The following PDE4D variants were observed in gnomAD, a reference collection of about 807,000 sequenced individuals.
PDE4D encodes phosphodiesterase 4D, also known as 3',5'-cyclic-AMP phosphodiesterase 4D.
A neutral mutation model predicts 87.4 loss-of-function variants in PDE4D; 24 were observed. The observed-to-expected ratio is 0.27, with a 90% CI of 0.20 to 0.39. The LOEUF (loss-of-function observed/expected upper bound fraction) is 0.39. PDE4D is among the 10% of genes least tolerant of loss of function. The pLI, the probability that PDE4D is intolerant of heterozygous loss-of-function variation, is 1.00. For synonymous variants in PDE4D, 384 were observed against 383.2 expected, an observed-to-expected ratio of 1.00 and a Z score of -0.02; for missense variants, 714 against 1,041.0, an observed-to-expected ratio of 0.69 and a Z score of 4.32.
chr5:59,321,856 A>C (rs1774783602), intron 1 of PDE4D, among the ~76,000 whole-genome samples: 1 of 152,122 alleles, frequency 6.6e-6, no homozygotes, highest in Non-Finnish European at 1.5e-5. Flanking sequence ...AATAGAGTAC[A>C]CGCATGCGCA....
At chr5:59,564,312 G>A (rs1013568568) in intron 1 of PDE4D, among the ~76,000 whole-genome samples, 7 of 152,094 alleles carry the variant, frequency 4.6e-5, no homozygotes, top group Non-Finnish European at 8.8e-5. Flanking sequence ...AAAATGATCC[G>A]CAAAAGCCAG....
intron 1 of PDE4D, among the ~76,000 whole-genome samples, chr5:59,538,466 C>T (rs145584145): frequency 7.5e-4 from 114 of 151,750 alleles, no homozygotes; most frequent in Middle Eastern, 6.8e-3. Context: ...TCTAGTTGTC[C>T]CAAGTGTCTT....
At chr5:60,120,023 A>C (rs1336681417) in intron 2 of PDE4D, among the ~76,000 whole-genome samples, 5 of 152,204 alleles carry the variant, frequency 3.3e-5, no homozygotes, top group Non-Finnish European at 7.3e-5. Context: ...GCACTTCATC[A>C]ATTATTTCCA....
intron 1 of PDE4D, among the ~76,000 whole-genome samples, chr5:59,469,088 G>A (rs1802020985): frequency 6.6e-6 from 1 of 152,152 alleles, no homozygotes; most frequent in Non-Finnish European, 1.5e-5. Flanking sequence ...AGCACTTTGG[G>A]AGGCAGAGGT....
chr5:59,052,206 CTAT>C (rs1761659135), intron 5 of PDE4D, among the ~76,000 whole-genome samples: 2 of 152,144 alleles, frequency 1.3e-5, no homozygotes, highest in Admixed American at 1.3e-4. Flanking sequence ...GAGGTATGGA[CTAT>C]AGCTCAGTGT....
At chr5:59,312,050 C>T (rs1203362454) in intron 1 of PDE4D, among the ~76,000 whole-genome samples, 1 of 152,166 alleles carries the variant, frequency 6.6e-6, no homozygotes, top group Non-Finnish European at 1.5e-5. Flanking sequence ...TATCCCACTC[C>T]CAGACCTTTG....
At chr5:59,121,700 G>A (rs1012577139) in intron 5 of PDE4D, among the ~76,000 whole-genome samples, 1 of 151,996 alleles carries the variant, frequency 6.6e-6, no homozygotes, top group Non-Finnish European at 1.5e-5. Context: ...CACTATGTCC[G>A]GCAATCTCAC....
chr5:59,378,839 A>G (rs1785211066), intron 1 of PDE4D, among the ~76,000 whole-genome samples: 1 of 152,152 alleles, frequency 6.6e-6, no homozygotes, highest in African/African-American at 2.4e-5. Flanking sequence ...AAAAAGTCCA[A>G]GTTAGCATCC....
chr5:59,768,607 C>T (rs1214723068), intron 1 of PDE4D: 2 of 1,548,892 alleles, frequency 1.3e-6, no homozygotes, highest in Non-Finnish European at 1.7e-6. Flanking sequence ...TCTGAGCCTG[C>T]TGCTGTTAGT....
chr5:59,435,476 C>T (rs542079300), intron 1 of PDE4D, among the ~76,000 whole-genome samples: 1 of 152,288 alleles, frequency 6.6e-6, no homozygotes, highest in East Asian at 1.9e-4. Flanking sequence ...GAACATTTTT[C>T]TCTTTCTTCT....
chr5:59,031,377 ATATATATATATATAT>A (rs1375312837), intron 6 of PDE4D, among the ~76,000 whole-genome samples: 14 of 91,648 alleles, frequency 1.5e-4, no homozygotes, highest in African/African-American at 5.2e-4. Context: ...ATATATATAT[ATATATATATATATAT>A]TATATATATA....
chr5:60,328,922 A>G (rs929098254), intron 1 of PDE4D, among the ~76,000 whole-genome samples: 2 of 152,180 alleles, frequency 1.3e-5, no homozygotes, highest in Non-Finnish European at 2.9e-5. Flanking sequence ...ACATTCTTTG[A>G]TGGGGAGTCA....
intron 6 of PDE4D, among the ~76,000 whole-genome samples, chr5:59,000,845 C>G (rs372517242): frequency 1.1e-4 from 17 of 151,934 alleles, no homozygotes; most frequent in East Asian, 7.7e-4. Context: ...CCCACCACCA[C>G]GCCTGGCTAA....
At chr5:59,443,877 GA>G (rs529108281) in intron 1 of PDE4D, among the ~76,000 whole-genome samples, 3 of 150,912 alleles carry the variant, frequency 2.0e-5, no homozygotes, top group African/African-American at 4.9e-5. Context: ...GTAATGAGGG[GA>G]AAAAAAATCA....
chr5:60,257,038 C>T (rs533753028), intron 1 of PDE4D, among the ~76,000 whole-genome samples: 2 of 151,684 alleles, frequency 1.3e-5, no homozygotes. Flanking sequence ...AAGTTGTACA[C>T]TTTAAATATA....
chr5:59,526,297 G>A (rs1813120725), intron 1 of PDE4D, among the ~76,000 whole-genome samples: 1 of 152,180 alleles, frequency 6.6e-6, no homozygotes, highest in South Asian at 2.1e-4. Flanking sequence ...GTCCTCAAAT[G>A]CCTATGGTTC....
chr5:59,919,575 G>T (rs1238884927), intron 3 of PDE4D, among the ~76,000 whole-genome samples: 1 of 152,110 alleles, frequency 6.6e-6, no homozygotes, highest in African/African-American at 2.4e-5. Context: ...AGCCATATCT[G>T]ACATTGTTCC....
chr5:59,746,093 AT>A (rs544552330), intron 1 of PDE4D, among the ~76,000 whole-genome samples: 1 of 152,258 alleles, frequency 6.6e-6, no homozygotes, highest in African/African-American at 2.4e-5. Flanking sequence ...CAATATATAT[AT>A]TTTTTCAAAA....
chr5:60,067,932 C>T (rs544398813), intron 2 of PDE4D, among the ~76,000 whole-genome samples: 7 of 152,126 alleles, frequency 4.6e-5, no homozygotes, highest in Admixed American at 2.0e-4. Context: ...AATAATAGTC[C>T]ACTATTTATA....
Sources: gnomAD v4.1 joint callset for allele counts (sites outside exome capture counted in the v4.1 genomes callset) on GRCh38, gnomAD v4.1.1 for gene constraint, MANE v1.5 for transcripts, NCBI Gene and HGNC (gene_info 2026-07-23, HGNC 2026-07-21) for gene names.